CDH22: variants seen among roughly 807,000 people sequenced by gnomAD.
CDH22 encodes cadherin 22.
CDH22 carries 30 observed loss-of-function variants against 58.4 expected under a neutral mutation model. That is an observed-to-expected ratio of 0.51 (90% CI 0.38 to 0.70). The LOEUF (loss-of-function observed/expected upper bound fraction) is 0.70, where lower values mean the gene tolerates loss of function less well. CDH22 is among the 30% of genes least tolerant of loss of function. CDH22 has a pLI of 0.00. For missense variants in CDH22, 1,014 were observed against 1,233.9 expected (o/e 0.82, Z 2.67); for synonymous variants, 513 against 558.2 (o/e 0.92, Z 1.14).
rs559042547 is a variant in CDH22 at position 46,176,771 on chromosome 20, G to T, written c.1915+1175C>A. Among the ~76,000 whole-genome samples, 12 of 152,380 alleles carry T rather than the reference G, an allele frequency of 7.9e-5. No homozygotes were observed. The South Asian group carries it at 1.7e-3, about 21-fold the overall frequency. ...TGTCAGGAGAGAAGTGGGAAAGATG[G>T]ATGGATGGCTTCTGGAGCCGAGGCT... On this transcript the variant is annotated intron_variant, in intron 11 of 11. Coordinates refer to ENST00000537909, the MANE Select transcript of CDH22 (RefSeq NM_021248.3).
rs143686055 is a variant in CDH22 at position 46,217,341 on chromosome 20, C to T, written c.671-348G>A. Among the ~76,000 whole-genome samples, 1,181 of 152,274 alleles carry T rather than the reference C, an allele frequency of 7.8e-3. 20 individuals carry two copies. Among genetic ancestry groups the T allele is most frequent in the Admixed American group, 0.027 (411 of 15,296 alleles). ...ACAGATGTACACACATGCTCATATACTCACATACACTTCTACAGATACATT... is the reference window on the plus strand; with the variant it reads ...ACAGATGTACACACATGCTCATATATTCACATACACTTCTACAGATACATT... On this transcript the variant is annotated intron_variant, in intron 4 of 11. Coordinates refer to ENST00000537909, the MANE Select transcript of CDH22 (RefSeq NM_021248.3).
chr20:46,291,362 C>T (rs917952654), intron 1 of CDH22, among the ~76,000 whole-genome samples: 34 of 152,314 alleles, frequency 2.2e-4, no homozygotes, highest in African/African-American at 7.7e-4. Context: ...TACTCTGTGT[C>T]GCTCTAAATG....
intron 2 of CDH22, among the ~76,000 whole-genome samples, chr20:46,243,026 G>A (rs117914344): frequency 0.021 from 3,138 of 152,224 alleles, 62 homozygotes; most frequent in Middle Eastern, 0.041. Context: ...TCAAGCAGAG[G>A]AAAATCCATT....
At chr20:46,176,658 C>T (rs930322425) in intron 11 of CDH22, among the ~76,000 whole-genome samples, 2 of 152,244 alleles carry the variant, frequency 1.3e-5, no homozygotes, top group African/African-American at 4.8e-5. Context: ...GGGCAGGGCA[C>T]CTGCTCACCA....
intron 7 of CDH22, among the ~76,000 whole-genome samples, chr20:46,205,582 T>G (rs2425777): frequency 0.58 from 88,716 of 151,848 alleles, 26,174 homozygotes; most frequent in Non-Finnish European, 0.62. Context: ...TAGCTGTTTT[T>G]GATGATCAAA....
chr20:46,275,862 A>C (rs1413042585), intron 1 of CDH22, among the ~76,000 whole-genome samples: 2 of 151,970 alleles, frequency 1.3e-5, no homozygotes, highest in African/African-American at 4.8e-5. Context: ...TCACGAGTGA[A>C]AGAAACTTTA....
At position 46,208,015 on chromosome 20, in the gene CDH22, C is replaced by T. The variant is rs539292303; in HGVS notation, c.1286+2292G>A. Among the ~76,000 whole-genome samples, 29 of 152,340 alleles carry T rather than the reference C, an allele frequency of 1.9e-4. No individual in the cohort carries two copies. The South Asian group carries it at 2.7e-3, about 14-fold the overall frequency. ...ATAGAGCCATTCAGACAGACAATGA[C>T]GGAACGTTGCCCTCTGGAGTTGCAC... On this transcript the variant is annotated intron_variant, in intron 7 of 11. Transcript: ENST00000537909.
At chr20:46,303,794 G>C (rs35841008) in intron 1 of CDH22, among the ~76,000 whole-genome samples, 1,523 of 152,224 alleles carry the variant, frequency 0.01, 20 homozygotes, top group Non-Finnish European at 0.018. Flanking sequence ...TCATAGTGCC[G>C]AGTCTGGACT....
chr20:46,232,465 A>T (rs1260125201), intron 3 of CDH22, among the ~76,000 whole-genome samples: 1 of 152,192 alleles, frequency 6.6e-6, no homozygotes, highest in Admixed American at 6.5e-5. Context: ...AAAGAGATGA[A>T]GCACTTTGGA....
chr20:46,275,957 T>A (rs1460336067), intron 1 of CDH22, among the ~76,000 whole-genome samples: 2 of 110,110 alleles, frequency 1.8e-5, no homozygotes, highest in African/African-American at 7.0e-5. Context: ...CAGGTGGGGG[T>A]GGGAAGAAGA....
At chr20:46,238,369 C>A (rs1270865054) in intron 3 of CDH22, among the ~76,000 whole-genome samples, 4 of 152,120 alleles carry the variant, frequency 2.6e-5, no homozygotes, top group Admixed American at 2.0e-4. Flanking sequence ...CCCCAGTTTA[C>A]CCATTAGCAA....
intron 7 of CDH22, among the ~76,000 whole-genome samples, chr20:46,199,861 GCA>G (rs1417598324): frequency 1.3e-5 from 2 of 152,084 alleles, no homozygotes; most frequent in African/African-American, 4.8e-5. Flanking sequence ...AAAATGCTTG[GCA>G]CAGTTAGACT....
intron 1 of CDH22, among the ~76,000 whole-genome samples, chr20:46,264,296 G>A (rs1025254711): frequency 1.3e-5 from 2 of 152,132 alleles, no homozygotes; most frequent in African/African-American, 4.8e-5. Context: ...TTGTTCCTTT[G>A]GGGAACAACC....
Position 46,208,020 on chromosome 20 carries a change from C to T in CDH22, c.1286+2287G>A, listed in dbSNP as rs114938408. The stretch of plus-strand genomic sequence containing the variant: ...GCCATTCAGACAGACAATGACGGAA[C>T]GTTGCCCTCTGGAGTTGCACAATGC... On this transcript the variant is annotated intron_variant, in intron 7 of 11. Coordinates refer to ENST00000537909, the MANE Select transcript of CDH22 (RefSeq NM_021248.3). Among the ~76,000 whole-genome samples, 502 of 152,342 alleles carry T rather than the reference C, an allele frequency of 3.3e-3. 6 individuals carry two copies. Among genetic ancestry groups the T allele is most frequent in the African/African-American group, 0.012 (480 of 41,570 alleles).
chr20:46,200,126 A>T (rs1185583377), intron 7 of CDH22, among the ~76,000 whole-genome samples: 1 of 151,914 alleles, frequency 6.6e-6, no homozygotes, highest in Non-Finnish European at 1.5e-5. Context: ...GGTGCCCGCC[A>T]CCACGCCCGG....
intron 1 of CDH22, among the ~76,000 whole-genome samples, chr20:46,265,910 G>A (rs554246249): frequency 6.6e-6 from 1 of 150,620 alleles, no homozygotes; most frequent in East Asian, 2.0e-4. Context: ...TGTTTTGTCT[G>A]CTACATCTGG....
At chr20:46,205,063 C>T (rs1045808616) in intron 7 of CDH22, among the ~76,000 whole-genome samples, 21 of 152,024 alleles carry the variant, frequency 1.4e-4, no homozygotes, top group Admixed American at 2.0e-4. Context: ...AGCAGCCTGC[C>T]TCCTGCTCCA....
intron 1 of CDH22, among the ~76,000 whole-genome samples, chr20:46,301,736 G>A (rs112362030): frequency 0.018 from 2,794 of 152,020 alleles, 79 homozygotes; most frequent in African/African-American, 0.064. Flanking sequence ...GCTTGAACCC[G>A]GGAGGCAGAA....
chr20:46,264,301 A>G lies in CDH22; in HGVS notation c.-399-12608T>C, dbSNP rs575838957. ...GTCCCAAGCTTTGTTCCTTTGGGGAACAACCTTGGCAGATCACAGGCACAG... is the reference window on the plus strand; with the variant it reads ...GTCCCAAGCTTTGTTCCTTTGGGGAGCAACCTTGGCAGATCACAGGCACAG... On this transcript the variant is annotated intron_variant, in intron 1 of 11. Coordinates refer to ENST00000537909, the MANE Select transcript of CDH22 (RefSeq NM_021248.3). Among the ~76,000 whole-genome samples, 4 of 152,340 alleles carry G rather than the reference A, an allele frequency of 2.6e-5. No homozygotes were observed. In the East Asian group the frequency reaches 5.8e-4, roughly 22 times the overall value.
Sources: allele counts gnomAD v4.1 joint callset (sites outside exome capture counted in the v4.1 genomes callset), GRCh38; gene constraint gnomAD v4.1.1; transcripts MANE v1.5; gene names NCBI Gene and HGNC (gene_info 2026-07-23, HGNC 2026-07-21).